ASTN2: variants seen among roughly 807,000 people sequenced by gnomAD.
ASTN2 encodes astrotactin-2.
Under a neutral mutation model 139.8 loss-of-function variants are expected in ASTN2, and 54 were observed. The observed-to-expected ratio is 0.39, with a 90% CI of 0.31 to 0.48. The LOEUF is 0.48. ASTN2 is among the 20% of genes least tolerant of loss of function. The pLI, the probability that ASTN2 is intolerant of heterozygous loss-of-function variation, is 0.95. For missense variants in ASTN2, 1,565 were observed against 1,725.1 expected, an observed-to-expected ratio of 0.91 and a Z score of 1.64; for synonymous variants, 756 against 719.5, an observed-to-expected ratio of 1.05 and a Z score of -0.81.
At position 117,366,861 on chromosome 9, in the gene ASTN2, G is replaced by A. The variant is rs184120802; in HGVS notation, c.442+47636C>T. ...ATGATCTCATCTCACTGCAACCTCC[G>A]CCTCCTGGGTTCAAGTGATTCTCCT... is the stretch of plus-strand genomic sequence containing the variant. On this transcript the variant is annotated intron_variant, in intron 1 of 22. Transcript: ENST00000313400. Among the ~76,000 whole-genome samples the A allele has an allele frequency of 1.7e-3, 254 of 151,966 alleles. 2 individuals are homozygous for A. Among genetic ancestry groups the A allele is most frequent in the African/African-American group, 5.9e-3 (244 of 41,442 alleles).
intron 7 of ASTN2, among the ~76,000 whole-genome samples, chr9:117,004,344 C>T (rs1365804354): frequency 6.6e-6 from 1 of 152,102 alleles, no homozygotes; most frequent in East Asian, 1.9e-4. Flanking sequence ...TGGTCTTGGA[C>T]TCCTGGGCTC....
intron 10 of ASTN2, among the ~76,000 whole-genome samples, chr9:116,939,320 CTT>C (rs2132466233): frequency 6.6e-6 from 1 of 152,108 alleles, no homozygotes; most frequent in African/African-American, 2.4e-5. Flanking sequence ...AAAATAATCA[CTT>C]TTATTATAAC....
intron 19 of ASTN2, among the ~76,000 whole-genome samples, chr9:116,523,978 T>C (rs1255180723): frequency 1.3e-5 from 2 of 152,146 alleles, no homozygotes; most frequent in Non-Finnish European, 2.9e-5. Flanking sequence ...GCTGGGTGAA[T>C]TTTTAGCAAG....
chr9:116,633,097 T>A (rs1856890944), intron 17 of ASTN2, among the ~76,000 whole-genome samples: 1 of 152,236 alleles, frequency 6.6e-6, no homozygotes, highest in Non-Finnish European at 1.5e-5. Context: ...TGTTCTAAAC[T>A]ATCTCCAAAT....
chr9:116,992,593 C>T (rs904362595), intron 7 of ASTN2, among the ~76,000 whole-genome samples: 1 of 152,146 alleles, frequency 6.6e-6, no homozygotes, highest in Non-Finnish European at 1.5e-5. Flanking sequence ...GCTCTATTCA[C>T]CCTCTCACTT....
intron 16 of ASTN2, chr9:116,687,363 C>T (rs1343705563): frequency 1.4e-5 from 5 of 352,688 alleles, no homozygotes; most frequent in Admixed American, 7.2e-5. Context: ...GTGGACTCGT[C>T]GGAGCCGCGG....
intron 10 of ASTN2, among the ~76,000 whole-genome samples, chr9:116,878,712 T>C (rs1250339600): frequency 6.6e-6 from 1 of 151,778 alleles, no homozygotes; most frequent in Non-Finnish European, 1.5e-5. Flanking sequence ...AACTTATTTT[T>C]TTAAAAAAAG....
At chr9:116,503,149 G>C (rs566174609) in intron 19 of ASTN2, among the ~76,000 whole-genome samples, 1 of 150,992 alleles carries the variant, frequency 6.6e-6, no homozygotes, top group African/African-American at 2.4e-5. Flanking sequence ...AGTAAGGAAA[G>C]AAGAAAGGAG....
In ASTN2 at chr9:116,884,058, G is replaced by A. The variant is rs1365776475; in HGVS notation, c.1890-20325C>T. ...TCCACCTTGCCTTGTCTCCACCCAG[G>A]AGAGCATGAGGCAAGTAGAAGGTAA... On this transcript the variant is annotated intron_variant, in intron 10 of 22. Transcript: ENST00000313400. Among the ~76,000 whole-genome samples the A allele has an allele frequency of 2.0e-5, 3 of 152,320 alleles. No individual in the cohort carries two copies. In the East Asian group the frequency reaches 5.8e-4, roughly 29 times the overall value.
intron 4 of ASTN2, among the ~76,000 whole-genome samples, chr9:117,138,646 A>G (rs1213752610): frequency 1.3e-5 from 2 of 152,216 alleles, no homozygotes. Context: ...ACTGAATGCA[A>G]GGAGAGTATA....
At chr9:117,208,558 G>A (rs1456683646) in intron 3 of ASTN2, among the ~76,000 whole-genome samples, 1 of 152,070 alleles carries the variant, frequency 6.6e-6, no homozygotes, top group African/African-American at 2.4e-5. Context: ...CAAGTGAAAA[G>A]GTGATGAAAA....
chr9:116,851,309 G>A (rs1227174881), intron 11 of ASTN2, among the ~76,000 whole-genome samples: 1 of 152,172 alleles, frequency 6.6e-6, no homozygotes, highest in Non-Finnish European at 1.5e-5. Flanking sequence ...TGGAAATGGA[G>A]GCATGGTGGG....
At chr9:117,276,349 GT>G (rs1307344811) in intron 2 of ASTN2, among the ~76,000 whole-genome samples, 1 of 152,178 alleles carries the variant, frequency 6.6e-6, no homozygotes, top group Non-Finnish European at 1.5e-5. Context: ...ATACTAGGCT[GT>G]TGCAATCATT....
In ASTN2 at chr9:116,819,385, CT is replaced by C. The variant is rs370152090; in HGVS notation, c.2207+1231del. Among the ~76,000 whole-genome samples the C allele has an allele frequency of 3.7e-3, 568 of 152,254 alleles. 3 individuals carry two copies. The highest frequency in any genetic ancestry group is 0.013 in the African/African-American group (543 of 41,544). Reference sequence around the variant, plus strand: ...CAGGTCTGCATACCCTAATTTATTTCTTATTTATTTTGCTGATACATATCTA... The same window carrying C: ...CAGGTCTGCATACCCTAATTTATTTCTATTTATTTTGCTGATACATATCTA... On this transcript the variant is annotated intron_variant, in intron 12 of 22. Transcript: ENST00000313400.
intron 20 of ASTN2, among the ~76,000 whole-genome samples, chr9:116,450,513 G>A (rs1197239526): frequency 6.6e-6 from 1 of 152,194 alleles, no homozygotes; most frequent in Non-Finnish European, 1.5e-5. Flanking sequence ...TGAAGACCTA[G>A]ACTCCAGTTT....
At chr9:116,718,960 A>G (rs1210471692) in intron 16 of ASTN2, among the ~76,000 whole-genome samples, 1 of 129,430 alleles carries the variant, frequency 7.7e-6, no homozygotes, top group Non-Finnish European at 1.6e-5. Context: ...TTACATATCT[A>G]TACCTGTATC....
intron 3 of ASTN2, among the ~76,000 whole-genome samples, chr9:117,168,377 A>G (rs116396612): frequency 0.037 from 5,679 of 152,244 alleles, 175 homozygotes; most frequent in South Asian, 0.096. Flanking sequence ...GTGATGACCT[A>G]CGGTCACACA....
At chr9:116,549,281 T>C (rs1175355682) in intron 19 of ASTN2, among the ~76,000 whole-genome samples, 2 of 126,766 alleles carry the variant, frequency 1.6e-5, no homozygotes, top group Admixed American at 7.6e-5. Context: ...CAGAAGGAAG[T>C]AAAAGAAAGG....
intron 19 of ASTN2, among the ~76,000 whole-genome samples, chr9:116,529,515 G>A (rs986348343): frequency 2.6e-5 from 4 of 152,096 alleles, no homozygotes; most frequent in African/African-American, 9.7e-5. Context: ...TTGGAATTTG[G>A]GGTTAATGCT....
Sources: allele counts gnomAD v4.1 joint callset (sites outside exome capture counted in the v4.1 genomes callset), GRCh38; gene constraint gnomAD v4.1.1; transcripts MANE v1.5; gene names NCBI Gene and HGNC (gene_info 2026-07-23, HGNC 2026-07-21).